GOPC: variants seen among roughly 807,000 people sequenced by gnomAD.
The protein encoded by GOPC is golgi associated PDZ and coiled-coil motif containing, also known as Golgi-associated PDZ and coiled-coil motif-containing protein.
Under a neutral mutation model 51.2 loss-of-function variants are expected in GOPC, and 32 were observed. That is an observed-to-expected ratio of 0.63 (90% CI 0.47 to 0.84). GOPC has a LOEUF of 0.84. GOPC is among the 40% of genes least tolerant of loss of function. The probability of loss-of-function intolerance (pLI) is 0.00; values close to 1 mark genes in which losing one functional copy is unlikely to be tolerated. For missense variants in GOPC, 441 were observed against 555.5 expected, an observed-to-expected ratio of 0.79 and a Z score of 2.07; for synonymous variants, 190 against 205.1, an observed-to-expected ratio of 0.93 and a Z score of 0.63.
intron 3 of GOPC, among the ~76,000 whole-genome samples, chr6:117,577,198 A>C (rs2114613466): frequency 6.6e-6 from 1 of 152,224 alleles, no homozygotes; most frequent in Middle Eastern, 3.4e-3. Flanking sequence ...AAGGCTCAAA[A>C]ATTGTCAAAA....
At chr6:117,593,706 G>A (rs1186870085) in intron 1 of GOPC, among the ~76,000 whole-genome samples, 1 of 152,194 alleles carries the variant, frequency 6.6e-6, no homozygotes, top group Non-Finnish European at 1.5e-5. Context: ...AGACTCAGAA[G>A]AGAGGTTGGC....
chr6:117,591,929 AG>A (rs1414522277), intron 1 of GOPC, among the ~76,000 whole-genome samples: 6 of 152,254 alleles, frequency 3.9e-5, no homozygotes, highest in African/African-American at 1.4e-4. Flanking sequence ...AGACTATGTT[AG>A]GAACACCCGA....
chr6:117,572,162 T>G (rs78453500), intron 5 of GOPC, among the ~76,000 whole-genome samples: 5,415 of 152,262 alleles, frequency 0.036, 127 homozygotes, highest in Non-Finnish European at 0.051. Context: ...ACTACTTGTC[T>G]AAAACTGATC....
chr6:117,567,043 G>T lies in GOPC; in HGVS notation c.1078-9C>A. 1 of 1,543,556 alleles carries T rather than the reference G, an allele frequency of 6.5e-7. No homozygotes were observed. ...AATTCAATCTCTCCTCTCTAAAACA[G>T]GAAATGAAAATGAGAAAGTCAAGTT... On this transcript the variant is annotated splice_polypyrimidine_tract_variant and intron_variant, in intron 7 of 8. Coordinates refer to ENST00000368498, the MANE Select transcript of GOPC (RefSeq NM_020399.4).
chr6:117,577,481 T>C lies in GOPC; in HGVS notation c.451-10A>G, dbSNP rs1227636760. On this transcript the variant is annotated splice_polypyrimidine_tract_variant and intron_variant, in intron 2 of 8. Coordinates refer to ENST00000368498, the MANE Select transcript of GOPC (RefSeq NM_020399.4). ...CCACAGAGGGGCCAGACTTCAGATA[T>C]AAGAAAAAAGTTTTATAATTAGAAA... 6.3e-7 allele frequency: 1 copy of C among 1,594,842 alleles called. No homozygotes were observed. The highest frequency in any genetic ancestry group is 1.7e-4 in the Middle Eastern group (1 of 6,004).
chr6:117,565,622 T>C (rs997346262), intron 8 of GOPC, among the ~76,000 whole-genome samples: 15 of 152,322 alleles, frequency 9.8e-5, no homozygotes, highest in African/African-American at 3.6e-4. Flanking sequence ...AATATCATCA[T>C]CAATCTCATC....
At chr6:117,576,205 C>G (rs1779879450) in intron 3 of GOPC, among the ~76,000 whole-genome samples, 1 of 151,646 alleles carries the variant, frequency 6.6e-6, no homozygotes, top group African/African-American at 2.4e-5. Context: ...ATGACAACTA[C>G]TAAATGCTAG....
At chr6:117,588,130 C>G (rs1212825912) in intron 1 of GOPC, among the ~76,000 whole-genome samples, 1 of 152,050 alleles carries the variant, frequency 6.6e-6, no homozygotes, top group African/African-American at 2.4e-5. Flanking sequence ...ATGCTCTCAC[C>G]TTGGCCTCTG....
chr6:117,579,509 C>T (rs769288253), intron 1 of GOPC, among the ~76,000 whole-genome samples: 13 of 151,826 alleles, frequency 8.6e-5, no homozygotes, highest in Non-Finnish European at 1.9e-4. Flanking sequence ...GAATACTAGC[C>T]CAAATCATCC....
At position 117,602,391 on chromosome 6, in the gene GOPC, T is replaced by C; in HGVS notation, c.-103A>G. ...GGGACCCCCGCGCGCGCGGGCACAC[T>C]CCGTCACCTCCCTTCACCTCGCGCC... On this transcript the variant is annotated 5_prime_UTR_variant, in exon 1 of 9. Transcript: ENST00000368498. 9.1e-7 allele frequency: 1 copy of C among 1,095,056 alleles called. No individual in the cohort carries two copies. Among genetic ancestry groups the C allele is most frequent in the Non-Finnish European group, 1.3e-6 (1 of 788,878 alleles). The allele number at this position is 1,095,056 out of a possible 1,614,324, so 67.8% of individuals were successfully genotyped here.
chr6:117,577,338 T>G, intron 3 of GOPC, 110 bp downstream of exon 3: 1 of 998,378 alleles, frequency 1.0e-6, no homozygotes, highest in African/African-American at 1.7e-5. Flanking sequence ...AAAATTGCCA[T>G]TATTAATGCT....
chr6:117,594,833 G>C (rs1780170768), intron 1 of GOPC, among the ~76,000 whole-genome samples: 1 of 152,112 alleles, frequency 6.6e-6, no homozygotes, highest in Non-Finnish European at 1.5e-5. Context: ...GTATTGTTGT[G>C]CTGTTACTTT....
intron 1 of GOPC, 59 bp downstream of exon 1, chr6:117,601,945 T>C: frequency 6.4e-7 from 1 of 1,572,844 alleles, no homozygotes; most frequent in Non-Finnish European, 8.7e-7. Flanking sequence ...TTAAATGGCA[T>C]CTGACGCCAC....
rs185519063 is a variant in GOPC at position 117,573,463 on chromosome 6, A to G, written c.816+4T>C. On this transcript the variant is annotated splice_donor_region_variant and intron_variant, in intron 5 of 8. Transcript: ENST00000368498. ...GGTGGGAAGCAGCAGCAAAGCAAAC[A>G]TACATGGCCTGGTGGTGCTTGCATT... is the stretch of plus-strand genomic sequence containing the variant. 1.5e-4 allele frequency: 246 copies of G among 1,609,636 alleles called. 1 individual carries two copies. The African/African-American group carries it at 2.5e-3, about 17-fold the overall frequency.
chr6:117,593,183 T>C (rs1007043726), intron 1 of GOPC, among the ~76,000 whole-genome samples: 4 of 151,942 alleles, frequency 2.6e-5, no homozygotes, highest in Non-Finnish European at 5.9e-5. Context: ...ATCTCAAACC[T>C]CTTCTACTAG....
At chr6:117,596,211 A>G (rs1324827620) in intron 1 of GOPC, among the ~76,000 whole-genome samples, 6 of 151,928 alleles carry the variant, frequency 3.9e-5, no homozygotes, top group African/African-American at 1.2e-4. Context: ...AGAATTATCT[A>G]TTCATGTCCC....
chr6:117,594,067 G>C (rs1780157500), intron 1 of GOPC, among the ~76,000 whole-genome samples: 1 of 152,094 alleles, frequency 6.6e-6, no homozygotes, highest in Non-Finnish European at 1.5e-5. Context: ...GCTACGAACT[G>C]GTTTAAAAGA....
In GOPC at chr6:117,560,481, G is replaced by T. The variant is rs1251709968; in HGVS notation, c.*2773C>A. 1.0e-5 allele frequency: 2 copies of T among 193,192 alleles called. No homozygotes were observed. Among genetic ancestry groups the T allele is most frequent in the Non-Finnish European group, 2.2e-5 (2 of 92,346 alleles). 12.0% of individuals were successfully genotyped at this position (193,192 alleles called of 1,614,324 possible). A position where few individuals can be genotyped will look rare whatever the true frequency, so the allele number is the denominator to read the frequency against. On this transcript the variant is annotated 3_prime_UTR_variant, in exon 9 of 9. Transcript: ENST00000368498. ...TTACATAATCAGGATGTCAAATACT[G>T]TGCATCTTACACATGAATCACATGA...
At chr6:117,567,070 T>C in intron 7 of GOPC, 36 bp from the exon 8 acceptor site, 4 of 1,452,248 alleles carry the variant, frequency 2.8e-6, no homozygotes, top group Non-Finnish European at 2.8e-6. Context: ...AGTCAAGTTA[T>C]TGTAATTGTA....
Sources: gnomAD v4.1 joint callset for allele counts (sites outside exome capture counted in the v4.1 genomes callset) on GRCh38, gnomAD v4.1.1 for gene constraint, MANE v1.5 for transcripts, NCBI Gene and HGNC (gene_info 2026-07-23, HGNC 2026-07-21) for gene names.